Variants in PDZD2 observed in about 807,000 individuals in gnomAD.
PDZD2 encodes the protein PDZ domain containing 2.
PDZD2 carries 90 observed loss-of-function variants against 220.7 expected under a neutral mutation model. The observed-to-expected ratio is 0.41, with a 90% CI of 0.34 to 0.49. The LOEUF is 0.49. PDZD2 is among the 20% of genes least tolerant of loss of function. The pLI is 0.28. For synonymous variants in PDZD2, 1,375 were observed against 1,450.5 expected (o/e 0.95, Z 1.18); for missense variants, 3,174 against 3,608.5 (o/e 0.88, Z 3.08).
chr5:31,950,543 G>T (rs1203796872), intron 2 of PDZD2, among the ~76,000 whole-genome samples: 1 of 152,086 alleles, frequency 6.6e-6, no homozygotes, highest in Non-Finnish European at 1.5e-5. Flanking sequence ...GATATAATTT[G>T]TTTACTCTTC....
chr5:31,948,122 A>G (rs1327163161), intron 2 of PDZD2, among the ~76,000 whole-genome samples: 1 of 152,188 alleles, frequency 6.6e-6, no homozygotes, highest in Admixed American at 6.5e-5. Flanking sequence ...TTTCCATAGA[A>G]GTACATCACT....
intron 1 of PDZD2, among the ~76,000 whole-genome samples, chr5:31,663,170 C>G (rs1745850130): frequency 6.6e-6 from 1 of 152,208 alleles, no homozygotes; most frequent in Admixed American, 6.5e-5. Context: ...TATCCTGTTT[C>G]TGTTAGGAAT....
chr5:31,869,439 T>C (rs1249026054), intron 2 of PDZD2, among the ~76,000 whole-genome samples: 2 of 152,078 alleles, frequency 1.3e-5, no homozygotes, highest in Non-Finnish European at 2.9e-5. Context: ...GGCGGGCGCC[T>C]GTAGTCCCAG....
chr5:31,677,355 G>A lies in PDZD2; in HGVS notation c.-361+37918G>A, dbSNP rs1244165122. Among the ~76,000 whole-genome samples the A allele has an allele frequency of 2.6e-4, 7 of 26,720 alleles. 3 individuals are homozygous for A. The highest frequency in any genetic ancestry group is 4.9e-4 in the African/African-American group (7 of 14,352). The allele number at this position is 26,720 out of a possible 152,430, so 17.5% of individuals were successfully genotyped here. The stretch of plus-strand genomic sequence containing the variant: ...TATCCGGCCGGGCGCAGTGGCTCAC[G>A]CCTGTAATCCCGGCACTTTGGGAGG... On this transcript the variant is annotated intron_variant, in intron 1 of 24. Coordinates refer to ENST00000438447, the MANE Select transcript of PDZD2 (RefSeq NM_178140.4).
At chr5:31,737,028 A>G (rs1416297447) in intron 1 of PDZD2, among the ~76,000 whole-genome samples, 4 of 152,076 alleles carry the variant, frequency 2.6e-5, no homozygotes, top group Non-Finnish European at 5.9e-5. Context: ...ATCATGAGCC[A>G]ATTAAACCTC....
At chr5:31,742,594 A>G (rs1212407110) in intron 1 of PDZD2, among the ~76,000 whole-genome samples, 3 of 142,708 alleles carry the variant, frequency 2.1e-5, no homozygotes. Flanking sequence ...GTGGTCTTGA[A>G]CAGCTGAGGC....
intron 2 of PDZD2, among the ~76,000 whole-genome samples, chr5:31,828,964 A>G (rs1008980807): frequency 1.4e-4 from 21 of 152,352 alleles, no homozygotes; most frequent in Non-Finnish European, 2.4e-4. Context: ...CAAATAACCT[A>G]GGGACAAGGC....
intron 2 of PDZD2, among the ~76,000 whole-genome samples, chr5:31,921,281 AT>A (rs1473289759): frequency 2.0e-5 from 3 of 152,122 alleles, no homozygotes; most frequent in Admixed American, 2.0e-4. Flanking sequence ...AATCCTCAAT[AT>A]TCTCTGCCAT....
At chr5:31,666,064 A>G (rs1339981247) in intron 1 of PDZD2, among the ~76,000 whole-genome samples, 1 of 152,228 alleles carries the variant, frequency 6.6e-6, no homozygotes, top group Non-Finnish European at 1.5e-5. Context: ...CTACATTTCT[A>G]CAAGTGGGTT....
chr5:31,689,353 A>ATATTTTTTTTTTTTCTTT, intron 1 of PDZD2, among the ~76,000 whole-genome samples: 3 of 35,116 alleles, frequency 8.5e-5, no homozygotes, highest in Non-Finnish European at 8.4e-5. Context: ...ATATATATAT[A>ATATTTTTTTTTTTTCTTT]TTTTTTTTTT....
At chr5:31,730,817 G>A (rs1749495364) in intron 1 of PDZD2, among the ~76,000 whole-genome samples, 4 of 152,146 alleles carry the variant, frequency 2.6e-5, no homozygotes, top group Admixed American at 2.6e-4. Flanking sequence ...GGAAAAAGAA[G>A]CTTTGATTCA....
intron 3 of PDZD2, among the ~76,000 whole-genome samples, chr5:31,984,283 C>T (rs1581213867): frequency 1.3e-5 from 2 of 152,258 alleles, no homozygotes; most frequent in Non-Finnish European, 2.9e-5. Flanking sequence ...ACCACACCTG[C>T]TTTGCCTTTA....
At chr5:31,685,257 G>T (rs1022360323) in intron 1 of PDZD2, among the ~76,000 whole-genome samples, 1 of 151,782 alleles carries the variant, frequency 6.6e-6, no homozygotes, top group Non-Finnish European at 1.5e-5. Flanking sequence ...TTTTAATTGG[G>T]TTTACATTGA....
At position 32,090,769 on chromosome 5, in the gene PDZD2, G is replaced by A. The variant is rs1033140828; in HGVS notation, c.7321G>A (p.Glu2441Lys). The A allele has an allele frequency of 6.2e-7, 1 of 1,613,960 alleles. No homozygotes were observed. The highest frequency in any genetic ancestry group is 8.5e-7 in the Non-Finnish European group (1 of 1,180,028). The change falls in exon 20 of 25, where the codon GAA becomes AAA. Residue 2441 changes from glutamate to lysine, a missense_variant. Physicochemically the swap from Glu to Lys is moderately conservative, Grantham distance 56 (BLOSUM62 1). This residue lies in a region of PDZD2 where 631 missense variants were observed against 789.9 expected (regional missense o/e 0.80). Coordinates refer to ENST00000438447, the MANE Select transcript of PDZD2 (RefSeq NM_178140.4). The surrounding 1 kb of genome is among the most constrained non-coding windows in gnomAD (Gnocchi z 4.3). ...GACCAGTAGCAAGGGCTCTGATTCG[G>A]AACTAAAGAAATCACTTGGTCCTTT... ...PETSSKGSDS[E>K]LKKSLGPLGI...
intron 2 of PDZD2, among the ~76,000 whole-genome samples, chr5:31,891,194 T>C (rs1304166887): frequency 4.3e-5 from 6 of 140,662 alleles, no homozygotes; most frequent in Non-Finnish European, 6.0e-5. Context: ...TGGAGTGCAA[T>C]GGCGCGATCT....
Position 32,090,272 on chromosome 5 carries a change from A to G in PDZD2, c.6824A>G (p.Gln2275Arg), listed in dbSNP as rs150841463. ...RGGLPSLANG[Q>R]GIYSVKPLLD... ...GGTCTTCCCAGCCTGGCTAATGGAC[A>G]GGGCATATATAGTGTAAAGCCGCTG... is the stretch of plus-strand genomic sequence containing the variant. The change falls in exon 20 of 25, where the codon CAG becomes CGG. Residue 2275 changes from glutamine (Q) to arginine (R), a missense_variant. Gln to Arg is a conservative substitution (Grantham distance 43). This residue lies in a region of PDZD2 where 631 missense variants were observed against 789.9 expected (regional missense o/e 0.80). Coordinates refer to ENST00000438447, the MANE Select transcript of PDZD2 (RefSeq NM_178140.4). This position sits in a 1 kb window ranked among gnomAD's most constrained non-coding sequence, Gnocchi z 4.3. 1.5e-3 allele frequency: 2,472 copies of G among 1,614,216 alleles called. 7 individuals carry two copies. The highest frequency in any genetic ancestry group is 3.4e-3 in the Admixed American group (202 of 60,034).
intron 1 of PDZD2, among the ~76,000 whole-genome samples, chr5:31,770,198 A>C (rs1446868233): frequency 6.6e-6 from 1 of 152,144 alleles, no homozygotes; most frequent in Non-Finnish European, 1.5e-5. Context: ...CAGATAATTT[A>C]GTTCTACCAC....
Position 32,109,138 on chromosome 5 carries a change from T to G in PDZD2, c.*1003T>G. ...AATCAAGTATCTTTCTAAGTGTCCT[T>G]GGATTTATAGACAATGTATGTACAA... On this transcript the variant is annotated 3_prime_UTR_variant, in exon 25 of 25. Coordinates refer to ENST00000438447, the MANE Select transcript of PDZD2 (RefSeq NM_178140.4). The G allele has an allele frequency of 6.6e-6, 1 of 152,396 alleles. No individual in the cohort carries two copies. Among genetic ancestry groups the G allele is most frequent in the East Asian group, 1.9e-4 (1 of 5,202 alleles). 9.4% of individuals were successfully genotyped at this position (152,396 alleles called of 1,614,324 possible).
chr5:32,084,948 CTTTTTTTT>C (rs745430355), intron 19 of PDZD2, among the ~76,000 whole-genome samples: 4 of 94,492 alleles, frequency 4.2e-5, no homozygotes, highest in Non-Finnish European at 6.0e-5. Flanking sequence ...ATTCTGTTGC[CTTTTTTTT>C]TTTTTTTTTT....
Sources: gnomAD v4.1 joint callset for allele counts (sites outside exome capture counted in the v4.1 genomes callset) on GRCh38, gnomAD v4.1.1 for gene constraint, gnomAD v4.1.1 regional missense constraint, Gnocchi (gnomAD v3.1) non-coding constraint, MANE v1.5 for transcripts, NCBI Gene and HGNC (gene_info 2026-07-23, HGNC 2026-07-21) for gene names.